Variants in KHDRBS2 observed in about 807,000 individuals in gnomAD.
KHDRBS2 encodes the protein KH RNA binding domain containing, signal transduction associated 2, also known as KH domain-containing, RNA-binding, signal transduction-associated protein 2.
In KHDRBS2, 26 loss-of-function variants were observed where a neutral mutation model predicts 44.3. The ratio of observed to expected loss-of-function variants is 0.59; its 90% CI spans 0.43 to 0.81. KHDRBS2 has a LOEUF of 0.81. KHDRBS2 is among the 40% of genes least tolerant of loss of function. The pLI, the probability that KHDRBS2 is intolerant of heterozygous loss-of-function variation, is 0.00. For missense variants in KHDRBS2, 476 were observed against 433.1 expected (o/e 1.10, Z -0.88); for synonymous variants, 194 against 151.1 (o/e 1.28, Z -2.08).
chr6:61,809,937 G>T (rs1344851843), intron 6 of KHDRBS2, among the ~76,000 whole-genome samples: 2 of 152,010 alleles, frequency 1.3e-5, no homozygotes, highest in South Asian at 2.1e-4. Flanking sequence ...AAAATATATC[G>T]CTTTTAGCAG....
intron 3 of KHDRBS2, among the ~76,000 whole-genome samples, chr6:62,046,369 G>A (rs1231054163): frequency 4.0e-5 from 6 of 151,862 alleles, no homozygotes; most frequent in Non-Finnish European, 8.8e-5. Flanking sequence ...CATGTGCAAA[G>A]CTAACTAGAA....
At chr6:61,856,369 C>T (rs1741959805) in intron 6 of KHDRBS2, among the ~76,000 whole-genome samples, 1 of 152,018 alleles carries the variant, frequency 6.6e-6, no homozygotes, top group Non-Finnish European at 1.5e-5. Flanking sequence ...ACAAAGCCTC[C>T]TTTATTTTTA....
chr6:61,608,783 G>A, the KHDRBS2 span, among the ~76,000 whole-genome samples: 1 of 152,062 alleles, frequency 6.6e-6, no homozygotes, highest in Non-Finnish European at 1.5e-5. Context: ...CTTATTTATG[G>A]CTGCATGGTA....
intron 2 of KHDRBS2, among the ~76,000 whole-genome samples, chr6:62,095,836 A>G (rs1047666132): frequency 1.3e-5 from 2 of 151,874 alleles, no homozygotes; most frequent in African/African-American, 4.8e-5. Flanking sequence ...CCTGTTGGCT[A>G]TGATGTTAGC....
At position 61,892,438 on chromosome 6, in the gene KHDRBS2, T is replaced by C. The variant is rs1035934543; in HGVS notation, c.810+2197A>G. Among the ~76,000 whole-genome samples, 145 of 152,234 alleles carry C rather than the reference T, an allele frequency of 9.5e-4. 1 individual carries two copies. The highest frequency in any genetic ancestry group is 3.3e-3 in the African/African-American group (139 of 41,552). On this transcript the variant is annotated intron_variant, in intron 6 of 8. Coordinates refer to ENST00000281156, the MANE Select transcript of KHDRBS2 (RefSeq NM_152688.4). Reference sequence around the variant, plus strand: ...TATGGAACCAAAAAAGAGCCTGCATTGCCAAGTCAATCCTAAGCCAAAAGA... The same window carrying C: ...TATGGAACCAAAAAAGAGCCTGCATCGCCAAGTCAATCCTAAGCCAAAAGA...
intron 6 of KHDRBS2, among the ~76,000 whole-genome samples, chr6:61,801,912 G>A (rs1786341489): frequency 6.6e-6 from 1 of 152,110 alleles, no homozygotes. Context: ...TTAAGATAGA[G>A]GATTATCTAG....
chr6:62,250,325 C>T (rs1025253743), intron 1 of KHDRBS2, among the ~76,000 whole-genome samples: 16 of 152,226 alleles, frequency 1.1e-4, no homozygotes, highest in African/African-American at 3.9e-4. Flanking sequence ...GTACACAACT[C>T]GCTTTGACTG....
At position 61,724,631 on chromosome 6, in the gene KHDRBS2, C is replaced by T. The variant is rs115003590; in HGVS notation, c.893+8051G>A. Among the ~76,000 whole-genome samples the T allele has an allele frequency of 2.8e-3, 430 of 151,752 alleles. 1 individual carries two copies. Among genetic ancestry groups the T allele is most frequent in the African/African-American group, 8.3e-3 (343 of 41,398 alleles). On this transcript the variant is annotated intron_variant, in intron 7 of 8. Coordinates refer to ENST00000281156, the MANE Select transcript of KHDRBS2 (RefSeq NM_152688.4). The stretch of plus-strand genomic sequence containing the variant: ...GATGGAGGAGAATTTACCAAGCAAA[C>T]GGAAAACGAAAAAGCAGGGGTTGTA...
intron 6 of KHDRBS2, among the ~76,000 whole-genome samples, chr6:61,890,695 T>C (rs1372631676): frequency 3.3e-5 from 5 of 152,302 alleles, no homozygotes; most frequent in East Asian, 1.9e-4. Flanking sequence ...ACCACCCTTG[T>C]TGTGGATTTT....
chr6:62,061,331 T>A (rs1391443872), intron 2 of KHDRBS2, among the ~76,000 whole-genome samples: 1 of 151,890 alleles, frequency 6.6e-6, no homozygotes, highest in Non-Finnish European at 1.5e-5. Context: ...CTTTCCATGT[T>A]CAGCGCTTCC....
At chr6:62,025,715 T>G (rs1451075510) in intron 3 of KHDRBS2, among the ~76,000 whole-genome samples, 1 of 152,044 alleles carries the variant, frequency 6.6e-6, no homozygotes, top group Non-Finnish European at 1.5e-5. Context: ...CTTAAGACTC[T>G]TAACTTTTAT....
intron 2 of KHDRBS2, among the ~76,000 whole-genome samples, chr6:62,090,322 C>T (rs1008855082): frequency 1.3e-5 from 2 of 152,106 alleles, no homozygotes; most frequent in African/African-American, 4.8e-5. Context: ...GCATAGTTGC[C>T]TCTAAAGACA....
At chr6:61,860,005 G>A (rs1483276595) in intron 6 of KHDRBS2, among the ~76,000 whole-genome samples, 1 of 151,984 alleles carries the variant, frequency 6.6e-6, no homozygotes, top group Non-Finnish European at 1.5e-5. Flanking sequence ...TGAAAGTTCA[G>A]TGTATCATAA....
intron 7 of KHDRBS2, among the ~76,000 whole-genome samples, chr6:61,722,854 C>T (rs543912862): frequency 3.3e-5 from 5 of 151,990 alleles, no homozygotes; most frequent in South Asian, 2.1e-4. Context: ...GGACTACAAG[C>T]GCCCACCACC....
chr6:62,195,237 T>C (rs1005321454), intron 1 of KHDRBS2, among the ~76,000 whole-genome samples: 1 of 152,212 alleles, frequency 6.6e-6, no homozygotes, highest in East Asian at 1.9e-4. Context: ...TGTTGATGTA[T>C]AGAAAAACAA....
intron 6 of KHDRBS2, among the ~76,000 whole-genome samples, chr6:61,734,882 C>A (rs1441224276): frequency 6.6e-6 from 1 of 152,110 alleles, no homozygotes; most frequent in Admixed American, 6.5e-5. Context: ...GAGACTATCA[C>A]CTGAAGAACT....
chr6:62,248,574 G>C (rs1836009594), intron 1 of KHDRBS2, among the ~76,000 whole-genome samples: 1 of 151,944 alleles, frequency 6.6e-6, no homozygotes, highest in African/African-American at 2.4e-5. Context: ...GGCCAGGCTG[G>C]TCTCGAACTC....
intron 3 of KHDRBS2, among the ~76,000 whole-genome samples, chr6:62,023,078 C>A (rs61581388): frequency 6.6e-6 from 1 of 151,540 alleles, no homozygotes; most frequent in Non-Finnish European, 1.5e-5. Context: ...AAAGAAAAAA[C>A]GCAATACCTT....
chr6:62,032,829 A>G (rs1784600649), intron 3 of KHDRBS2, among the ~76,000 whole-genome samples: 2 of 151,960 alleles, frequency 1.3e-5, no homozygotes, highest in Non-Finnish European at 2.9e-5. Context: ...ACTATCATTA[A>G]CACCATCTAG....
Sources: gnomAD v4.1 joint callset for allele counts (sites outside exome capture counted in the v4.1 genomes callset) on GRCh38, gnomAD v4.1.1 for gene constraint, MANE v1.5 for transcripts, NCBI Gene and HGNC (gene_info 2026-07-23, HGNC 2026-07-21) for gene names.